DOCK1: variants seen among roughly 807,000 people sequenced by gnomAD.
The protein encoded by DOCK1 is dedicator of cytokinesis 1, also known as dedicator of cytokinesis protein 1.
In DOCK1, 138 loss-of-function variants were observed where a neutral mutation model predicts 262.7. The ratio of observed to expected loss-of-function variants is 0.53; its 90% CI spans 0.46 to 0.61. The LOEUF (loss-of-function observed/expected upper bound fraction) is 0.61. Ranked by LOEUF, DOCK1 falls within the 20% of genes least tolerant of loss-of-function variation. The probability of loss-of-function intolerance (pLI) is 0.00; values close to 1 mark genes in which losing one functional copy is unlikely to be tolerated. For synonymous variants in DOCK1, 866 were observed against 867.4 expected (o/e 1.00, Z 0.03); for missense variants, 1,908 against 2,370.7 (o/e 0.80, Z 4.05).
intron 27 of DOCK1, among the ~76,000 whole-genome samples, chr10:127,221,860 C>T (rs79020053): frequency 1.3e-3 from 192 of 152,134 alleles, no homozygotes; most frequent in Non-Finnish European, 9.7e-4. Context: ...AATGGAATGC[C>T]TTAGTGCTAT....
chr10:127,230,280 T>C (rs1397039164), intron 27 of DOCK1, among the ~76,000 whole-genome samples: 1 of 152,230 alleles, frequency 6.6e-6, no homozygotes, highest in Admixed American at 6.5e-5. Context: ...TTTAACATCA[T>C]TTGTCTATTT....
chr10:127,351,666 G>A (rs183081139), intron 31 of DOCK1, among the ~76,000 whole-genome samples: 439 of 152,244 alleles, frequency 2.9e-3, no homozygotes, highest in African/African-American at 1.0e-2. Flanking sequence ...CCGGGGTTCT[G>A]CTTCCAGGCA....
At chr10:127,152,372 A>G (rs1397263971) in intron 27 of DOCK1, among the ~76,000 whole-genome samples, 2 of 152,218 alleles carry the variant, frequency 1.3e-5, no homozygotes, top group African/African-American at 4.8e-5. Flanking sequence ...GGAATTGTTG[A>G]AGAAAAGACC....
intron 1 of DOCK1, among the ~76,000 whole-genome samples, chr10:126,948,442 G>T (rs1200917488): frequency 1.3e-5 from 2 of 148,236 alleles, no homozygotes; most frequent in African/African-American, 4.9e-5. Context: ...TGGTAATACT[G>T]CTGGTGGTGA....
chr10:127,060,810 A>G (rs1232835347), intron 22 of DOCK1, among the ~76,000 whole-genome samples: 1 of 152,244 alleles, frequency 6.6e-6, no homozygotes, highest in Non-Finnish European at 1.5e-5. Flanking sequence ...ATGCGTTTGT[A>G]AAGCACCATT....
Position 127,446,275 on chromosome 10 carries a change from A to AAG in DOCK1, c.5414-1119_5414-1118insAG, listed in dbSNP as rs397733996. Among the ~76,000 whole-genome samples the AAG allele has an allele frequency of 6.6e-6, 1 of 151,716 alleles. No homozygotes were observed. The highest frequency in any genetic ancestry group is 1.5e-5 in the Non-Finnish European group (1 of 67,886). ...AAACAAAAAGAAAAGAAAAAAAAAA[A>AAG]GAAAGTAGAATAGAGGATACTAGGG... is the stretch of plus-strand genomic sequence containing the variant. On this transcript the variant is annotated intron_variant, in intron 50 of 51. Transcript: ENST00000623213. The surrounding 1 kb of genome is among the most constrained non-coding windows in gnomAD (Gnocchi z 4.4).
intron 27 of DOCK1, among the ~76,000 whole-genome samples, chr10:127,247,178 G>A (rs537649347): frequency 1.3e-5 from 2 of 152,170 alleles, no homozygotes; most frequent in African/African-American, 4.8e-5. Context: ...GCCTCCATTT[G>A]CAACAGCCGG....
intron 29 of DOCK1, among the ~76,000 whole-genome samples, chr10:127,283,777 T>G (rs1459302038): frequency 6.6e-6 from 1 of 152,210 alleles, no homozygotes; most frequent in African/African-American, 2.4e-5. Flanking sequence ...GTCAGTACAT[T>G]GTATCATTTT....
At position 127,012,350 on chromosome 10, in the gene DOCK1, A is replaced by G; in HGVS notation, c.1177A>G (p.Lys393Glu). The change falls in exon 12 of 52, where the codon AAA becomes GAA. Residue 393 changes from lysine to glutamate, a missense_variant. By Grantham distance (56) the Lys-to-Glu change is moderately conservative. Transcript: ENST00000623213. This position sits in a 1 kb window ranked among gnomAD's most constrained non-coding sequence, Gnocchi z 4.0. ...QTVINKVIAA[K>E]EVNHKGQGLW... ...TGTTATAAACAAAGTCATCGCTGCC[A>G]AAGAAGTCAACCACAAGGGGCAGGG... The G allele has an allele frequency of 6.2e-7, 1 of 1,614,058 alleles. No individual in the cohort carries two copies. Among genetic ancestry groups the G allele is most frequent in the South Asian group, 1.1e-5 (1 of 91,082 alleles).
At chr10:127,409,516 C>A in intron 42 of DOCK1, 125 bp downstream of exon 42, 1 of 1,009,232 alleles carries the variant, frequency 9.9e-7, no homozygotes, top group Admixed American at 2.1e-5. Context: ...AATGCTCTTT[C>A]TGTCCTCTTT....
chr10:127,288,281 T>A (rs1413606074), intron 29 of DOCK1, among the ~76,000 whole-genome samples: 1 of 152,192 alleles, frequency 6.6e-6, no homozygotes, highest in Non-Finnish European at 1.5e-5. Context: ...GGCTTTCTTT[T>A]TGATGTGACA....
intron 46 of DOCK1, among the ~76,000 whole-genome samples, chr10:127,423,023 A>AAAAG (rs371922903): frequency 4.6e-4 from 70 of 152,312 alleles, no homozygotes; most frequent in African/African-American, 1.7e-3. Flanking sequence ...CAGGAAAGGT[A>AAAAG]AAAGAATCAG....
chr10:127,368,108 A>G (rs1314292671), intron 33 of DOCK1, among the ~76,000 whole-genome samples: 1 of 152,186 alleles, frequency 6.6e-6, no homozygotes, highest in Non-Finnish European at 1.5e-5. Flanking sequence ...CTGCCAGAAC[A>G]TGGCCCTTCA....
At chr10:127,330,869 C>T (rs2062947116) in intron 29 of DOCK1, among the ~76,000 whole-genome samples, 1 of 152,178 alleles carries the variant, frequency 6.6e-6, no homozygotes, top group Non-Finnish European at 1.5e-5. Flanking sequence ...GTCCCGTGTT[C>T]AAAAAAATAC....
intron 22 of DOCK1, among the ~76,000 whole-genome samples, chr10:127,055,439 G>A (rs565802479): frequency 1.6e-4 from 24 of 152,328 alleles, no homozygotes; most frequent in African/African-American, 5.8e-4. Flanking sequence ...AAAGTGTCAT[G>A]TGCTTTCATC....
chr10:127,444,569 A>G (rs2070410466), intron 50 of DOCK1, among the ~76,000 whole-genome samples: 1 of 152,158 alleles, frequency 6.6e-6, no homozygotes, highest in African/African-American at 2.4e-5. Flanking sequence ...GAACCACCAC[A>G]CTTTCTATCC....
chr10:127,396,034 T>A (rs996925368), intron 38 of DOCK1, among the ~76,000 whole-genome samples: 2 of 151,670 alleles, frequency 1.3e-5, no homozygotes, highest in Non-Finnish European at 2.9e-5. Context: ...AAGGGAGAAA[T>A]GAGCAGGGTC....
intron 27 of DOCK1, among the ~76,000 whole-genome samples, chr10:127,223,107 A>G (rs1468966278): frequency 6.6e-6 from 1 of 152,192 alleles, no homozygotes; most frequent in African/African-American, 2.4e-5. Context: ...TTGTGTTACC[A>G]TGTCACAGTG....
intron 29 of DOCK1, among the ~76,000 whole-genome samples, chr10:127,314,047 T>C (rs977115793): frequency 1.3e-5 from 2 of 152,210 alleles, no homozygotes; most frequent in African/African-American, 4.8e-5. Context: ...TGCCCGTGAA[T>C]AATGAGGCTG....
Sources: allele counts gnomAD v4.1 joint callset (sites outside exome capture counted in the v4.1 genomes callset), GRCh38; gene constraint gnomAD v4.1.1; non-coding constraint Gnocchi (gnomAD v3.1); transcripts MANE v1.5; gene names NCBI Gene and HGNC (gene_info 2026-07-23, HGNC 2026-07-21).